The following ANKMY1 variants were observed in gnomAD, a reference collection of about 807,000 sequenced individuals.
The protein encoded by ANKMY1 is ankyrin repeat and MYND domain containing 1, also known as ankyrin repeat and MYND domain-containing protein 1.
A neutral mutation model predicts 102.0 loss-of-function variants in ANKMY1; 98 were observed. The ratio of observed to expected loss-of-function variants is 0.96; its 90% CI spans 0.82 to 1.14. ANKMY1 has a LOEUF of 1.14. Ranked by LOEUF, ANKMY1 falls within the 50% of genes most tolerant of loss-of-function variation. ANKMY1 has a pLI of 0.00. For missense variants in ANKMY1, 1,330 were observed against 1,347.6 expected, an observed-to-expected ratio of 0.99 and a Z score of 0.20; for synonymous variants, 582 against 559.9, an observed-to-expected ratio of 1.04 and a Z score of -0.56.
intron 4 of ANKMY1, among the ~76,000 whole-genome samples, chr2:240,541,387 T>G (rs539970122): frequency 2.0e-5 from 3 of 152,220 alleles, no homozygotes; most frequent in Non-Finnish European, 2.9e-5. Flanking sequence ...GAAATTAAGC[T>G]TCAGTAAACT....
At chr2:240,532,207 T>C (rs79964842) in intron 4 of ANKMY1, 160 of 409,740 alleles carry the variant, frequency 3.9e-4, no homozygotes, top group African/African-American at 2.7e-3. Context: ...AAAAGAGCAA[T>C]AGGCTGACAG....
At chr2:240,490,766 G>A (rs2076552294) in intron 15 of ANKMY1, among the ~76,000 whole-genome samples, 1 of 152,092 alleles carries the variant, frequency 6.6e-6, no homozygotes, top group African/African-American at 2.4e-5. Flanking sequence ...TATCCTGGAG[G>A]ATATTCCATG....
In ANKMY1 at chr2:240,537,368, G is replaced by A. The variant is rs56286423; in HGVS notation, c.481-7859C>T. 2.6e-5 allele frequency among the ~76,000 whole-genome samples: 4 copies of A among 152,234 alleles called. 1 individual carries two copies. The highest frequency in any genetic ancestry group is 7.2e-5 in the African/African-American group (3 of 41,544). On this transcript the variant is annotated intron_variant, in intron 4 of 17. Coordinates refer to ENST00000401804, the MANE Select transcript of ANKMY1 (RefSeq NM_001282771.3). ...TACAAAAAACAATATCCAGTCAATA[G>A]CTCCTGTGATTTTAATGTAAATTCT...
At chr2:240,519,875 TAAGAA>T (rs1345183855) in intron 9 of ANKMY1, 1 of 250,394 alleles carries the variant, frequency 4.0e-6, no homozygotes, top group African/African-American at 2.3e-5. Flanking sequence ...AGGCACTTCT[TAAGAA>T]AAAAAATATA....
At chr2:240,488,357 G>A (rs541914532) in intron 15 of ANKMY1, among the ~76,000 whole-genome samples, 30 of 152,290 alleles carry the variant, frequency 2.0e-4, no homozygotes, top group Non-Finnish European at 1.6e-4. Flanking sequence ...AGTACATGCT[G>A]TTTTGGTTAC....
upstream of ANKMY1, chr2:240,560,759 A>C: frequency 1.3e-6 from 2 of 1,488,258 alleles, no homozygotes; most frequent in Non-Finnish European, 1.8e-6. Flanking sequence ...TCGCGCCCTC[A>C]CTCTTCCTCG....
chr2:240,557,324 G>A lies in ANKMY1; in HGVS notation c.12C>T (p.Ala4=), dbSNP rs1400930884. The A allele has an allele frequency of 1.9e-6, 3 of 1,568,764 alleles. No homozygotes were observed. The highest frequency in any genetic ancestry group is 2.6e-6 in the Non-Finnish European group (3 of 1,154,264). MEG[A]HASLSLEDEV... ...CGTCCTCTAAGCTAAGGGAGGCATG[G>A]GCCCCTTCCATGTCTGTGGTCTTCC... Residue 4 remains alanine, a synonymous_variant, in exon 2 of 18, where the codon GCC becomes GCT. Coordinates refer to ENST00000401804, the MANE Select transcript of ANKMY1 (RefSeq NM_001282771.3).
chr2:240,533,818 C>A (rs965035114), intron 4 of ANKMY1, among the ~76,000 whole-genome samples: 4 of 151,112 alleles, frequency 2.6e-5, no homozygotes, highest in Non-Finnish European at 5.9e-5. Flanking sequence ...GAAGAAATAT[C>A]TAAAACATAA....
intron 4 of ANKMY1, among the ~76,000 whole-genome samples, chr2:240,544,409 T>C (rs923221600): frequency 2.6e-5 from 4 of 152,240 alleles, no homozygotes; most frequent in Non-Finnish European, 4.4e-5. Context: ...AAAGTTTAGA[T>C]AGTAAAATAT....
intron 8 of ANKMY1, among the ~76,000 whole-genome samples, chr2:240,521,753 C>T (rs947900393): frequency 3.2e-4 from 48 of 152,134 alleles, no homozygotes; most frequent in Non-Finnish European, 1.3e-4. Flanking sequence ...CTGCCTCGGC[C>T]TCCCAAAGTG....
In ANKMY1 at chr2:240,523,919, C is replaced by T. The variant is rs1234655686; in HGVS notation, c.1798G>A (p.Gly600Arg). 4 of 1,613,520 alleles carry T rather than the reference C, an allele frequency of 2.5e-6. No homozygotes were observed. Among genetic ancestry groups the T allele is most frequent in the Non-Finnish European group, 1.7e-6 (2 of 1,179,930 alleles). The change falls in exon 8 of 18, where the codon GGG becomes AGG. Residue 600 changes from glycine (G) to arginine (R), a missense_variant. Physicochemically the swap from Gly to Arg is moderately radical, Grantham distance 125. Coordinates refer to ENST00000401804, the MANE Select transcript of ANKMY1 (RefSeq NM_001282771.3). Reference protein sequence around the residue: ...PSPCTSSFDKGTMRRMALSMI... With the variant: ...PSPCTSSFDKRTMRRMALSMI... The stretch of plus-strand genomic sequence containing the variant: ...GACAGCGCCATCCTCCGCATGGTCC[C>T]TTTGTCGAAGCTGCTGGTGCACGGT...
intron 9 of ANKMY1, among the ~76,000 whole-genome samples, chr2:240,515,311 C>T (rs772241413): frequency 1.2e-4 from 19 of 152,032 alleles, no homozygotes; most frequent in East Asian, 1.9e-4. Context: ...CCAAGGTGGG[C>T]GGATCACTAG....
intron 4 of ANKMY1, among the ~76,000 whole-genome samples, chr2:240,539,858 C>T (rs2088170659): frequency 6.6e-6 from 1 of 152,194 alleles, no homozygotes; most frequent in African/African-American, 2.4e-5. Flanking sequence ...ACCGGAAAAA[C>T]TGTGTGCTTA....
At position 240,506,768 on chromosome 2, in the gene ANKMY1, T is replaced by C. The variant is rs918152430; in HGVS notation, c.2526+792A>G. 2.6e-5 allele frequency among the ~76,000 whole-genome samples: 4 copies of C among 151,998 alleles called. No individual in the cohort carries two copies. The highest frequency in any genetic ancestry group is 9.7e-5 in the African/African-American group (4 of 41,370). On this transcript the variant is annotated intron_variant, in intron 13 of 17. Coordinates refer to ENST00000401804, the MANE Select transcript of ANKMY1 (RefSeq NM_001282771.3). The surrounding 1 kb of genome is among the most constrained non-coding windows in gnomAD (Gnocchi z 4.9). The stretch of plus-strand genomic sequence containing the variant: ...TGCCCACAGCGGACACAGGAAGGGC[T>C]GGCATGGGCGGAGGGCAGCAGGCAG...
At chr2:240,560,738 G>T (rs775768545), upstream of ANKMY1, 4 of 1,515,858 alleles carry the variant, frequency 2.6e-6, no homozygotes, top group Admixed American at 4.3e-5. Flanking sequence ...TACCTCCACC[G>T]TTGGTGCGCG....
chr2:240,480,825 G>C, intron 17 of ANKMY1, 112 bp downstream of exon 17: 1 of 1,413,468 alleles, frequency 7.1e-7, no homozygotes, highest in Non-Finnish European at 9.5e-7. Flanking sequence ...AAAGTGGCCT[G>C]AATCTGGAGA....
rs149639053 is a variant in ANKMY1, at chr2:240,509,943, C to A, written c.2287-488G>T. Among the ~76,000 whole-genome samples the A allele has an allele frequency of 8.0e-4, 121 of 151,058 alleles. 1 individual carries two copies. In the East Asian group the frequency reaches 0.021, roughly 26 times the overall value. Reference sequence around the variant, plus strand: ...GCCCCGTCCATGCCTCCCTGCCCTCCTCCCCCATCCATGCCCTCCCTGCCT... The same window carrying A: ...GCCCCGTCCATGCCTCCCTGCCCTCATCCCCCATCCATGCCCTCCCTGCCT... On this transcript the variant is annotated intron_variant, in intron 11 of 17. Transcript: ENST00000401804.
At chr2:240,500,622 CG>C in intron 13 of ANKMY1, 57 bp from the exon 14 acceptor site, 1 of 1,493,408 alleles carries the variant, frequency 6.7e-7, no homozygotes, top group East Asian at 2.3e-5. Context: ...CTGGGAGCAG[CG>C]GAAGCACCGC....
chr2:240,554,337 TGGAAAG>T (rs1187673898), intron 3 of ANKMY1: 1 of 153,030 alleles, frequency 6.5e-6, no homozygotes, highest in African/African-American at 2.4e-5. Flanking sequence ...CTCGTGGAGA[TGGAAAG>T]AGAGAGGACC....
Sources: allele counts gnomAD v4.1 joint callset (sites outside exome capture counted in the v4.1 genomes callset), GRCh38; gene constraint gnomAD v4.1.1; non-coding constraint Gnocchi (gnomAD v3.1); transcripts MANE v1.5; gene names NCBI Gene and HGNC (gene_info 2026-07-23, HGNC 2026-07-21).